LTF: variants seen among roughly 807,000 people sequenced by gnomAD.
The protein encoded by LTF is lactotransferrin, also known as epididymis luminal protein 110.
In LTF, 91 loss-of-function variants were observed where a neutral mutation model predicts 87.2. The ratio of observed to expected loss-of-function variants is 1.04; its 90% CI spans 0.88 to 1.24. The LOEUF (loss-of-function observed/expected upper bound fraction) is 1.24, where lower values mean the gene tolerates loss of function less well. Among genes scored for constraint, LTF ranks in the 50% most tolerant of loss-of-function variants. The probability of loss-of-function intolerance (pLI) is 0.00; values close to 1 mark genes in which losing one functional copy is unlikely to be tolerated. For missense variants in LTF, 901 were observed against 904.3 expected (o/e 1.00, Z 0.05); for synonymous variants, 378 against 356.1 (o/e 1.06, Z -0.69).
intron 11 of LTF, among the ~76,000 whole-genome samples, chr3:46,445,963 T>A (rs981500334): frequency 1.3e-5 from 2 of 152,246 alleles, no homozygotes. Context: ...AGAATGCATC[T>A]GACAGACACC....
In LTF at chr3:46,439,311, C is replaced by T; in HGVS notation, c.1893G>A (p.Val631=). ...TGGTCCATACCTGTTGGTGGAGCAA[C>T]ACCTGTTTCAGGCGTTCCACCTTAT... ...RMDKVERLKQ[V]LLHQQAKFGR... The change falls in exon 15 of 17, where the codon GTG becomes GTA. Residue 631 remains valine, a synonymous_variant. Transcript: ENST00000231751. The T allele has an allele frequency of 1.2e-6, 2 of 1,612,348 alleles. No homozygotes were observed. The highest frequency in any genetic ancestry group is 1.7e-6 in the Non-Finnish European group (2 of 1,179,126).
At chr3:46,483,829 C>T (rs962932999) in intron 1 of LTF, among the ~76,000 whole-genome samples, 3 of 152,018 alleles carry the variant, frequency 2.0e-5, no homozygotes, top group Non-Finnish European at 4.4e-5. Flanking sequence ...AAAACGGAGA[C>T]AGGGATCTTG....
chr3:46,465,039 T>C (rs1356036058), upstream of LTF: 4 of 687,690 alleles, frequency 5.8e-6, no homozygotes, highest in Middle Eastern at 2.7e-4. Flanking sequence ...CGAAAAGCCC[T>C]GAGGCAGGAC....
upstream of LTF, among the ~76,000 whole-genome samples, chr3:46,466,181 A>C (rs1374734028): frequency 6.6e-6 from 1 of 152,108 alleles, no homozygotes. Flanking sequence ...TGAAGGTGGC[A>C]GTGAGCCATG....
Position 46,478,649 on chromosome 3 carries a change from T to C in LTF, c.-320+6337A>G, listed in dbSNP as rs149942611. On this transcript the variant is annotated intron_variant, in intron 1 of 19. Coordinates refer to the LTF transcript ENST00000443496. ...AGAAGAGGGTAGGGCAGAAGATGAC[T>C]GGCAGAATGAGGAACTAGTGGGTGG... 3.2e-3 allele frequency among the ~76,000 whole-genome samples: 487 copies of C among 152,248 alleles called. 1 individual carries two copies. The highest frequency in any genetic ancestry group is 5.2e-3 in the Non-Finnish European group (351 of 68,000).
upstream of LTF, among the ~76,000 whole-genome samples, chr3:46,468,932 C>A (rs1199266618): frequency 6.6e-6 from 1 of 152,118 alleles, no homozygotes; most frequent in Non-Finnish European, 1.5e-5. Flanking sequence ...CCTTCCACAC[C>A]CCCAGAGGGC....
At chr3:46,459,630 C>T in intron 2 of LTF, 26 bp downstream of exon 2, 1 of 1,398,524 alleles carries the variant, frequency 7.2e-7, no homozygotes, top group Non-Finnish European at 9.4e-7. Context: ...CAGCTTGGTC[C>T]CAACCAACAC....
chr3:46,462,505 T>C (rs1277139878), intron 1 of LTF, among the ~76,000 whole-genome samples: 1 of 152,168 alleles, frequency 6.6e-6, no homozygotes, highest in East Asian at 1.9e-4. Flanking sequence ...AGTCAGGCAC[T>C]AAACTCCCCT....
At chr3:46,461,814 C>G (rs1310865580) in intron 1 of LTF, among the ~76,000 whole-genome samples, 1 of 152,086 alleles carries the variant, frequency 6.6e-6, no homozygotes, top group Non-Finnish European at 1.5e-5. Flanking sequence ...TTACCAAAAA[C>G]TAAAACAAAA....
At chr3:46,471,951 T>C (rs912208976) in intron 1 of LTF, among the ~76,000 whole-genome samples, 3 of 152,162 alleles carry the variant, frequency 2.0e-5, no homozygotes, top group Non-Finnish European at 4.4e-5. Flanking sequence ...AAGGCCGAGA[T>C]GCTGTCATGT....
Position 46,445,334 on chromosome 3 carries a change from C to A in LTF, c.1460G>T (p.Gly487Val). The change falls in exon 12 of 17, where the codon GGC becomes GTC. Residue 487 changes from glycine (G) to valine (V), a missense_variant. Coordinates refer to ENST00000231751, the MANE Select transcript of LTF (RefSeq NM_002343.6). ...SCHTAVDRTA[G>V]WNIPMGLLFN... is the part of the protein sequence containing the mutation. The stretch of plus-strand genomic sequence containing the variant: ...GAGCAGGCCCATGGGGATATTCCAG[C>A]CTGCAGTCCTGTCCACGGCGGTGTG... 6.2e-7 allele frequency: 1 copy of A among 1,613,814 alleles called. No individual in the cohort carries two copies. The highest frequency in any genetic ancestry group is 8.5e-7 in the Non-Finnish European group (1 of 1,179,872).
intron 1 of LTF, among the ~76,000 whole-genome samples, chr3:46,470,959 C>T (rs1410117669): frequency 6.6e-6 from 1 of 152,186 alleles, no homozygotes; most frequent in East Asian, 1.9e-4. Flanking sequence ...TTCATGAGCC[C>T]CCACTGTGTG....
intron 7 of LTF, 40 bp from the exon 8 acceptor site, chr3:46,450,068 T>C: frequency 6.8e-7 from 1 of 1,473,836 alleles, no homozygotes; most frequent in East Asian, 2.3e-5. Flanking sequence ...CAATGGTAAA[T>C]AGGGAGGAAA....
chr3:46,446,410 T>C, intron 11 of LTF, 30 bp downstream of exon 11: 1 of 1,594,456 alleles, frequency 6.3e-7, no homozygotes, highest in Non-Finnish European at 8.6e-7. Context: ...AACTTATCCT[T>C]GACCCTGAAA....
chr3:46,464,820 C>A lies in LTF; in HGVS notation c.43+5G>T. 1 of 1,614,128 alleles carries A rather than the reference C, an allele frequency of 6.2e-7. No individual in the cohort carries two copies. The highest frequency in any genetic ancestry group is 8.5e-7 in the Non-Finnish European group (1 of 1,180,018). The stretch of plus-strand genomic sequence containing the variant: ...CGGCTCGCGCCCCCAGGCACCTGCA[C>A]TCACCGAGGGCCCCGAGGAACAGCA... On this transcript the variant is annotated splice_donor_5th_base_variant and intron_variant, in intron 1 of 16. Transcript: ENST00000231751.
At chr3:46,457,451 G>A (rs1702964844) in intron 2 of LTF, among the ~76,000 whole-genome samples, 2 of 152,180 alleles carry the variant, frequency 1.3e-5, no homozygotes, top group African/African-American at 4.8e-5. Flanking sequence ...CCTTGGGTAG[G>A]CAGCTGAGGG....
rs758113143 is a variant in LTF at position 46,456,382 on chromosome 3, G to A, written c.224C>T (p.Ala75Val). ...TATGAAACCACCATCAAGGGTCACA[G>A]CATCGGCCCTGTTTTCCTGAAAGTA... is the stretch of plus-strand genomic sequence containing the variant. ...IQAIAENRAD[A>V]VTLDGGFIYE... is the part of the protein sequence containing the mutation. The change falls in exon 3 of 17, where the codon GCT (alanine) becomes GTT (valine). Residue 75 changes from alanine (A) to valine (V), a missense_variant. Transcript: ENST00000231751. 5 of 1,614,004 alleles carry A rather than the reference G, an allele frequency of 3.1e-6. No individual in the cohort carries two copies. The highest frequency in any genetic ancestry group is 1.3e-5 in the African/African-American group (1 of 74,936).
chr3:46,465,773 G>A (rs1015494352), upstream of LTF, among the ~76,000 whole-genome samples: 1 of 152,148 alleles, frequency 6.6e-6, no homozygotes, highest in Admixed American at 6.5e-5. Context: ...ACATTCCCAT[G>A]ACACACAGCA....
At position 46,482,579 on chromosome 3, in the gene LTF, G is replaced by GAA. The variant is rs764575558; in HGVS notation, c.-320+2406_-320+2407insTT. ...GGAAGGGAAGGGAAGGGAAAGGAAA[G>GAA]GAAGGGAGAAAGAGAGAGAAAGAAA... is the stretch of plus-strand genomic sequence containing the variant. On this transcript the variant is annotated intron_variant, in intron 1 of 19. Transcript: ENST00000443496. Among the ~76,000 whole-genome samples, 86 of 107,024 alleles carry GAA rather than the reference G, an allele frequency of 8.0e-4. 13 individuals carry two copies. The highest frequency in any genetic ancestry group is 4.3e-3 in the East Asian group (12 of 2,798). 70.2% of individuals were successfully genotyped at this position (107,024 alleles called of 152,430 possible).
Sources: gnomAD v4.1 joint callset for allele counts (sites outside exome capture counted in the v4.1 genomes callset) on GRCh38, gnomAD v4.1.1 for gene constraint, MANE v1.5 for transcripts, NCBI Gene and HGNC (gene_info 2026-07-23, HGNC 2026-07-21) for gene names.